Variants in TENM2 observed in about 807,000 individuals in gnomAD.
The protein encoded by TENM2 is teneurin transmembrane protein 2.
Under a neutral mutation model 245.2 loss-of-function variants are expected in TENM2, and 52 were observed. That is an observed-to-expected ratio of 0.21 (90% CI 0.17 to 0.27). TENM2 has a LOEUF of 0.27. Among genes scored for constraint, TENM2 ranks in the 10% least tolerant of loss-of-function variants. The pLI, the probability that TENM2 is intolerant of heterozygous loss-of-function variation, is 1.00. For missense variants in TENM2, 3,046 were observed against 3,666.8 expected (o/e 0.83, Z 4.37); for synonymous variants, 1,363 against 1,438.9 (o/e 0.95, Z 1.19).
chr5:167,429,211 A>C (rs1408924069), intron 2 of TENM2, among the ~76,000 whole-genome samples: 1 of 152,182 alleles, frequency 6.6e-6, no homozygotes. Context: ...ATCTAGCATC[A>C]GTTTATAGAA....
chr5:167,859,071 C>T, intron 2 of TENM2, among the ~76,000 whole-genome samples: 1 of 149,916 alleles, frequency 6.7e-6, no homozygotes, highest in South Asian at 2.1e-4. Flanking sequence ...TGAGGAGCGT[C>T]TCTGCCCGGC....
intron 2 of TENM2, among the ~76,000 whole-genome samples, chr5:167,474,364 T>A (rs1170958108): frequency 6.6e-6 from 1 of 152,194 alleles, no homozygotes; most frequent in African/African-American, 2.4e-5. Flanking sequence ...GTCTGAGGGT[T>A]TGGGGATACA....
chr5:167,300,656 A>G (rs536617798), intron 1 of TENM2, among the ~76,000 whole-genome samples: 6 of 152,020 alleles, frequency 3.9e-5, no homozygotes, highest in East Asian at 2.0e-4. Context: ...GGGGGGTAAG[A>G]GTGATTAGGT....
At chr5:167,063,363 A>G in the TENM2 span, among the ~76,000 whole-genome samples, 1 of 152,198 alleles carries the variant, frequency 6.6e-6, no homozygotes, top group African/African-American at 2.4e-5. Context: ...TGCCAAACTC[A>G]AGGTCTAGGA....
At chr5:168,168,881 G>A (rs1482921719) in intron 13 of TENM2, among the ~76,000 whole-genome samples, 1 of 152,012 alleles carries the variant, frequency 6.6e-6, no homozygotes, top group Non-Finnish European at 1.5e-5. Flanking sequence ...CCATTCATTA[G>A]CTTATTCATT....
chr5:168,250,678 G>A (rs1053827704), intron 27 of TENM2, among the ~76,000 whole-genome samples: 1 of 152,148 alleles, frequency 6.6e-6, no homozygotes, highest in Admixed American at 6.5e-5. Flanking sequence ...AGAAGCATCT[G>A]GGACCTTTCG....
chr5:167,922,526 G>T (rs1396139940), intron 3 of TENM2, among the ~76,000 whole-genome samples: 1 of 152,172 alleles, frequency 6.6e-6, no homozygotes, highest in Non-Finnish European at 1.5e-5. Context: ...CTCACACTCT[G>T]CCTTGTCTAC....
intron 2 of TENM2, among the ~76,000 whole-genome samples, chr5:167,728,228 T>A (rs572186900): frequency 6.2e-4 from 95 of 152,294 alleles, no homozygotes; most frequent in African/African-American, 2.0e-3. Flanking sequence ...GAACTCAAGC[T>A]ACCTCTCCTC....
intron 5 of TENM2, among the ~76,000 whole-genome samples, chr5:168,003,138 T>C (rs2152048375): frequency 6.6e-6 from 1 of 152,288 alleles, no homozygotes; most frequent in African/African-American, 2.4e-5. Context: ...ACCTGATTGG[T>C]ATAAATCAAT....
At chr5:167,379,903 A>C (rs1243885468) in intron 2 of TENM2, among the ~76,000 whole-genome samples, 1 of 150,172 alleles carries the variant, frequency 6.7e-6, no homozygotes, top group East Asian at 2.0e-4. Flanking sequence ...TCAATTTCTT[A>C]AAAACAAAAC....
At chr5:168,241,986 T>G (rs1766144440) in intron 25 of TENM2, among the ~76,000 whole-genome samples, 1 of 152,102 alleles carries the variant, frequency 6.6e-6, no homozygotes, top group Non-Finnish European at 1.5e-5. Flanking sequence ...TCTAGACTCT[T>G]TTTCTCTGGA....
At position 167,950,101 on chromosome 5, in the gene TENM2, C is replaced by T. The variant is rs186002339; in HGVS notation, c.713-2487C>T. 5.9e-5 allele frequency among the ~76,000 whole-genome samples: 9 copies of T among 152,284 alleles called. No individual in the cohort carries two copies. In the East Asian group the frequency reaches 1.7e-3, roughly 29 times the overall value. On this transcript the variant is annotated intron_variant, in intron 3 of 28. Coordinates refer to ENST00000518659, the Ensembl canonical transcript of TENM2. ...CCTTACTCTTCCTTCTCCATTTCCC[C>T]CAGGAAGCTCTAGGCTTTCTCATTA...
intron 1 of TENM2, among the ~76,000 whole-genome samples, chr5:167,365,859 G>A (rs9284973): frequency 0.95 from 144,573 of 152,076 alleles, 68,818 homozygotes; most frequent in East Asian, 0.98. Context: ...AATTATAGAT[G>A]GGACACACCA....
intron 12 of TENM2, among the ~76,000 whole-genome samples, chr5:168,159,443 G>T (rs909986537): frequency 6.6e-6 from 1 of 152,136 alleles, no homozygotes; most frequent in Middle Eastern, 3.2e-3. Flanking sequence ...ATCCAACTTC[G>T]GTTATAGCAT....
chr5:167,373,275 G>A (rs1760549337), intron 1 of TENM2, among the ~76,000 whole-genome samples: 1 of 152,344 alleles, frequency 6.6e-6, no homozygotes, highest in South Asian at 2.1e-4. Context: ...CTAGGTTAAT[G>A]TGAGCTACAC....
intron 4 of TENM2, among the ~76,000 whole-genome samples, chr5:167,968,294 A>G (rs1016858171): frequency 6.6e-6 from 1 of 152,202 alleles, no homozygotes; most frequent in African/African-American, 2.4e-5. Context: ...ACAAAGGATC[A>G]CCCTCAAAAT....
intron 2 of TENM2, among the ~76,000 whole-genome samples, chr5:167,796,078 A>C (rs1765294980): frequency 6.6e-6 from 1 of 152,202 alleles, no homozygotes; most frequent in African/African-American, 2.4e-5. Flanking sequence ...TGACCTCCAG[A>C]AACTAGAGAG....
At chr5:168,088,935 A>T (rs1336743048) in intron 7 of TENM2, among the ~76,000 whole-genome samples, 1 of 152,202 alleles carries the variant, frequency 6.6e-6, no homozygotes, top group Non-Finnish European at 1.5e-5. Flanking sequence ...TGTAACCCAT[A>T]AAAACCTTTT....
intron 2 of TENM2, among the ~76,000 whole-genome samples, chr5:167,443,938 T>C (rs1160581105): frequency 6.6e-6 from 1 of 152,096 alleles, no homozygotes; most frequent in African/African-American, 2.4e-5. Flanking sequence ...AAAACATCTG[T>C]TTTTTTATCC....
Sources: allele counts gnomAD v4.1 joint callset (sites outside exome capture counted in the v4.1 genomes callset), GRCh38; gene constraint gnomAD v4.1.1; transcripts MANE v1.5; gene names NCBI Gene and HGNC (gene_info 2026-07-23, HGNC 2026-07-21).